Variants in MCTP1 observed in about 807,000 individuals in gnomAD.
MCTP1 encodes the protein multiple C2 and transmembrane domain containing 1, also known as multiple C2 and transmembrane domain-containing protein 1.
Under a neutral mutation model 120.6 loss-of-function variants are expected in MCTP1, and 69 were observed. The observed-to-expected ratio is 0.57, with a 90% CI of 0.47 to 0.70. The LOEUF (loss-of-function observed/expected upper bound fraction) is 0.70, where lower values mean the gene tolerates loss of function less well. Among genes scored for constraint, MCTP1 ranks in the 30% least tolerant of loss-of-function variants. The probability of loss-of-function intolerance (pLI) is 0.00; values close to 1 mark genes in which losing one functional copy is unlikely to be tolerated. For missense variants in MCTP1, 1,203 were observed against 1,248.8 expected (o/e 0.96, Z 0.55); for synonymous variants, 529 against 493.1 (o/e 1.07, Z -0.96).
intron 1 of MCTP1, among the ~76,000 whole-genome samples, chr5:95,116,227 T>C (rs944757515): frequency 6.6e-6 from 1 of 152,210 alleles, no homozygotes; most frequent in East Asian, 1.9e-4. Flanking sequence ...ATAAAACTCA[T>C]TGGTAATAGT....
At chr5:95,048,099 T>C (rs1478635378) in intron 1 of MCTP1, among the ~76,000 whole-genome samples, 1 of 152,184 alleles carries the variant, frequency 6.6e-6, no homozygotes, top group Non-Finnish European at 1.5e-5. Flanking sequence ...TGCTGCATAA[T>C]TGCTTTTACT....
chr5:94,761,081 T>C lies in MCTP1; in HGVS notation c.2610+18029A>G, dbSNP rs116396144. On this transcript the variant is annotated intron_variant, in intron 19 of 22. Coordinates refer to ENST00000515393, the MANE Select transcript of MCTP1 (RefSeq NM_024717.7). Reference sequence around the variant, plus strand: ...AATACCAAATATGAACTGTTGGCAGTTTTAAATTGCATTTTCAAAATGCAG... The same window carrying C: ...AATACCAAATATGAACTGTTGGCAGCTTTAAATTGCATTTTCAAAATGCAG... 3.6e-3 allele frequency among the ~76,000 whole-genome samples: 554 copies of C among 152,284 alleles called. 3 individuals carry two copies. The highest frequency in any genetic ancestry group is 0.013 in the African/African-American group (534 of 41,552).
At chr5:94,732,913 GACACTTAAAAA>G (rs1763400870) in intron 19 of MCTP1, among the ~76,000 whole-genome samples, 1 of 152,110 alleles carries the variant, frequency 6.6e-6, no homozygotes, top group Non-Finnish European at 1.5e-5. Context: ...AACAGACTAA[GACACTTAAAAA>G]ATTATTCAAA....
chr5:94,856,962 T>C (rs1794830145), intron 17 of MCTP1, among the ~76,000 whole-genome samples: 1 of 151,650 alleles, frequency 6.6e-6, no homozygotes, highest in Non-Finnish European at 1.5e-5. Flanking sequence ...AACCCATTTC[T>C]GACAGTCAAG....
At chr5:94,955,189 A>C (rs1001750097) in intron 2 of MCTP1, among the ~76,000 whole-genome samples, 14 of 152,180 alleles carry the variant, frequency 9.2e-5, no homozygotes, top group Non-Finnish European at 1.9e-4. Context: ...CCCCTACCCA[A>C]GGAAAGCTGT....
chr5:95,003,455 C>T (rs569474275), intron 2 of MCTP1, among the ~76,000 whole-genome samples: 11 of 152,270 alleles, frequency 7.2e-5, no homozygotes, highest in South Asian at 6.2e-4. Flanking sequence ...GTGATGTTCA[C>T]GCAACAATAA....
intron 1 of MCTP1, among the ~76,000 whole-genome samples, chr5:95,093,705 G>A (rs1459355843): frequency 6.6e-6 from 1 of 152,146 alleles, no homozygotes. Context: ...AATCTCTTTT[G>A]TTCCACATGC....
intron 1 of MCTP1, among the ~76,000 whole-genome samples, chr5:95,247,365 G>T (rs946338788): frequency 2.0e-5 from 3 of 151,866 alleles, no homozygotes; most frequent in Admixed American, 6.6e-5. Context: ...TTGATTTTTC[G>T]AAGGGTTTTT....
At chr5:94,845,854 AACAG>A (rs1425118587) in intron 17 of MCTP1, among the ~76,000 whole-genome samples, 1 of 152,070 alleles carries the variant, frequency 6.6e-6, no homozygotes, top group African/African-American at 2.4e-5. Context: ...CCCAGCTGCA[AACAG>A]ACACTTTTTA....
intron 17 of MCTP1, among the ~76,000 whole-genome samples, chr5:94,812,491 C>CA (rs1783642048): frequency 3.9e-5 from 5 of 127,732 alleles, no homozygotes; most frequent in Middle Eastern, 4.2e-3. Flanking sequence ...AAAACTAAAA[C>CA]AAAACAAAAA....
chr5:95,270,905 G>A (rs1022168615), intron 1 of MCTP1, among the ~76,000 whole-genome samples: 3 of 143,352 alleles, frequency 2.1e-5, no homozygotes, highest in African/African-American at 8.0e-5. Flanking sequence ...ACTCTAGCCT[G>A]GGCGACAGAG....
chr5:94,749,881 A>G (rs151023750), intron 19 of MCTP1, among the ~76,000 whole-genome samples: 2 of 152,214 alleles, frequency 1.3e-5, no homozygotes, highest in African/African-American at 4.8e-5. Context: ...CATGGAAGCA[A>G]TGAGGCTACA....
rs201303991 is a variant in MCTP1, at chr5:95,191,960, TC to T, written c.720+91895del. On this transcript the variant is annotated intron_variant, in intron 1 of 22. Coordinates refer to ENST00000515393, the MANE Select transcript of MCTP1 (RefSeq NM_024717.7). Reference sequence around the variant, plus strand: ...CAATTTATTTTTGTTCTTCCTTACCTCCCAATTGTTGACAGAGCTAGTCATT... The same window carrying T: ...CAATTTATTTTTGTTCTTCCTTACCTCCAATTGTTGACAGAGCTAGTCATT... Among the ~76,000 whole-genome samples, 731 of 152,092 alleles carry T rather than the reference TC, an allele frequency of 4.8e-3. 7 individuals carry two copies. The highest frequency in any genetic ancestry group is 0.015 in the African/African-American group (639 of 41,542).
At chr5:94,993,716 G>C (rs1426188384) in intron 2 of MCTP1, among the ~76,000 whole-genome samples, 1 of 152,100 alleles carries the variant, frequency 6.6e-6, no homozygotes, top group Non-Finnish European at 1.5e-5. Flanking sequence ...GAGTACAGAT[G>C]GGGAACTGAA....
intron 1 of MCTP1, among the ~76,000 whole-genome samples, chr5:95,109,549 G>GA (rs897599731): frequency 8.0e-5 from 12 of 149,262 alleles, no homozygotes; most frequent in South Asian, 2.1e-4. Context: ...ACCATAAATT[G>GA]AAAAAAAAAA....
At chr5:95,204,492 A>G (rs1292534900) in intron 1 of MCTP1, among the ~76,000 whole-genome samples, 1 of 152,240 alleles carries the variant, frequency 6.6e-6, no homozygotes, top group African/African-American at 2.4e-5. Context: ...CTCTCTTCAC[A>G]TCTATTCAAC....
chr5:94,970,631 C>T (rs1190257957), intron 2 of MCTP1, among the ~76,000 whole-genome samples: 2 of 151,984 alleles, frequency 1.3e-5, no homozygotes, highest in Non-Finnish European at 2.9e-5. Context: ...GACTCAGTGA[C>T]TCAGTAGATA....
chr5:95,016,845 C>G (rs1181395887), intron 2 of MCTP1, among the ~76,000 whole-genome samples: 1 of 152,046 alleles, frequency 6.6e-6, no homozygotes, highest in Admixed American at 6.6e-5. Flanking sequence ...TTTGCCTTAT[C>G]TTATCCTTCG....
rs1754691488 is a variant in MCTP1 at position 94,706,599 on chromosome 5, A to C, written c.*897T>G. The C allele has an allele frequency of 6.8e-6, 1 of 146,586 alleles. No individual in the cohort carries two copies. The highest frequency in any genetic ancestry group is 1.5e-5 in the Non-Finnish European group (1 of 66,596). 9.1% of individuals were successfully genotyped at this position (146,586 alleles called of 1,614,324 possible). A position where few individuals can be genotyped will look rare whatever the true frequency, so the allele number is the denominator to read the frequency against. On this transcript the variant is annotated 3_prime_UTR_variant, in exon 23 of 23. Coordinates refer to ENST00000515393, the MANE Select transcript of MCTP1 (RefSeq NM_024717.7). ...GCAGGTTTTTTTTTTCTCTGAGAGCACTTGAGTATTTATTAAAATATTTTT... is the reference window on the plus strand; with the variant it reads ...GCAGGTTTTTTTTTTCTCTGAGAGCCCTTGAGTATTTATTAAAATATTTTT...
Sources: allele counts gnomAD v4.1 joint callset (sites outside exome capture counted in the v4.1 genomes callset), GRCh38; gene constraint gnomAD v4.1.1; transcripts MANE v1.5; gene names NCBI Gene and HGNC (gene_info 2026-07-23, HGNC 2026-07-21).